Variants in TBC1D4 observed in about 807,000 individuals in gnomAD.
TBC1D4 encodes TBC1 domain family member 4.
TBC1D4 carries 121 observed loss-of-function variants against 142.5 expected under a neutral mutation model. The ratio of observed to expected loss-of-function variants is 0.85; its 90% CI spans 0.73 to 0.99. TBC1D4 has a LOEUF of 0.99. Ranked by LOEUF, TBC1D4 falls within the 50% of genes least tolerant of loss-of-function variation. The pLI is 0.00. For missense variants in TBC1D4, 1,475 were observed against 1,606.6 expected (o/e 0.92, Z 1.40); for synonymous variants, 630 against 628.2 (o/e 1.00, Z -0.04).
chr13:75,406,250 C>T (rs1411786526), intron 1 of TBC1D4, among the ~76,000 whole-genome samples: 2 of 152,196 alleles, frequency 1.3e-5, no homozygotes, highest in Non-Finnish European at 2.9e-5. Flanking sequence ...AGCCTCTTCA[C>T]TGCTACTCAG....
chr13:75,356,305 C>T (rs1882044659), intron 3 of TBC1D4, 54 bp from the exon 4 acceptor site: 6 of 1,261,196 alleles, frequency 4.8e-6, no homozygotes, highest in Non-Finnish European at 6.9e-6. Flanking sequence ...ATATTTTTTA[C>T]TCAACAATAT....
chr13:75,380,518 CG>C (rs1180378631), intron 1 of TBC1D4, among the ~76,000 whole-genome samples: 4 of 144,544 alleles, frequency 2.8e-5, no homozygotes, highest in African/African-American at 1.0e-4. Context: ...GTCTCTAGAA[CG>C]GTAATGAACT....
At chr13:75,463,761 T>G (rs1047443080) in intron 1 of TBC1D4, among the ~76,000 whole-genome samples, 1 of 152,182 alleles carries the variant, frequency 6.6e-6, no homozygotes, top group Non-Finnish European at 1.5e-5. Context: ...CTCATCTTAT[T>G]ATAGAAATAA....
chr13:75,465,067 C>T (rs182222471), intron 1 of TBC1D4, among the ~76,000 whole-genome samples: 33 of 152,272 alleles, frequency 2.2e-4, no homozygotes, highest in Admixed American at 1.5e-3. Context: ...ACTCACTCCT[C>T]GCAACAGCCT....
chr13:75,356,077 C>T, intron 4 of TBC1D4, 70 bp downstream of exon 4: 8 of 1,188,298 alleles, frequency 6.7e-6, no homozygotes, highest in Non-Finnish European at 8.7e-6. Context: ...GGCTTGGGCT[C>T]CTAAGAGACA....
At chr13:75,450,852 C>T (rs2138239230) in intron 1 of TBC1D4, among the ~76,000 whole-genome samples, 2 of 152,300 alleles carry the variant, frequency 1.3e-5, no homozygotes, top group South Asian at 4.2e-4. Flanking sequence ...TTAGCATAAA[C>T]TATCTAGGGC....
chr13:75,409,688 C>G (rs1885511464), intron 1 of TBC1D4, among the ~76,000 whole-genome samples: 1 of 152,296 alleles, frequency 6.6e-6, no homozygotes, highest in South Asian at 2.1e-4. Context: ...AAACACAAAT[C>G]TCTTTAATGA....
intron 1 of TBC1D4, among the ~76,000 whole-genome samples, chr13:75,475,819 G>T (rs932137932): frequency 6.6e-6 from 1 of 152,090 alleles, no homozygotes; most frequent in African/African-American, 2.4e-5. Flanking sequence ...TATGGGTTGC[G>T]TATCACTTAT....
In TBC1D4 at chr13:75,312,875, G is replaced by T. The variant is rs930419264; in HGVS notation, c.2246C>A (p.Thr749Asn). 5.6e-6 allele frequency: 9 copies of T among 1,614,032 alleles called. No individual in the cohort carries two copies. The highest frequency in any genetic ancestry group is 2.2e-5 in the East Asian group (1 of 44,890). Residue 749 changes from threonine (T) to asparagine (N), a missense_variant, in exon 13 of 21, where the codon ACC (threonine) becomes AAC (asparagine). Physicochemically the swap from Thr to Asn is moderately conservative, Grantham distance 65. Around this residue, in one of 2 missense-constraint regions of TBC1D4, gnomAD observed 1,227 missense variants for 1,267.7 expected, o/e 0.97. Transcript: ENST00000377636. ...ESSDGEGRKR[T>N]SSTCSNESLS... ...GGACTCATTGCTGCAGGTAGATGAG[G>T]TCCTTTTTCTCCCTTCTCCATCACT...
At chr13:75,473,889 T>C (rs185205545) in intron 1 of TBC1D4, among the ~76,000 whole-genome samples, 1 of 152,300 alleles carries the variant, frequency 6.6e-6, no homozygotes, top group East Asian at 1.9e-4. Context: ...TAAATTCAAA[T>C]TCATGGTTTA....
At chr13:75,352,539 A>G (rs1467903210) in intron 4 of TBC1D4, among the ~76,000 whole-genome samples, 1 of 152,208 alleles carries the variant, frequency 6.6e-6, no homozygotes, top group African/African-American at 2.4e-5. Flanking sequence ...TGAAGAAATA[A>G]TATTTTCTAC....
Position 75,294,844 on chromosome 13 carries a change from T to C in TBC1D4, c.3316+10A>G. ...TAATACTGTTCCATTTAATTACAGG[T>C]ATCTCTTACCAAAAACTCTGGCTAC... On this transcript the variant is annotated intron_variant, in intron 18 of 20. Transcript: ENST00000377636. 3.1e-6 allele frequency: 5 copies of C among 1,613,368 alleles called. No homozygotes were observed. The highest frequency in any genetic ancestry group is 4.2e-6 in the Non-Finnish European group (5 of 1,179,398).
intron 1 of TBC1D4, among the ~76,000 whole-genome samples, chr13:75,374,467 A>G (rs148817482): frequency 1.3e-3 from 200 of 152,248 alleles, no homozygotes; most frequent in Non-Finnish European, 2.3e-3. Flanking sequence ...TTGTGACACT[A>G]AAGTATTTTT....
At chr13:75,414,899 G>A (rs1885845864) in intron 1 of TBC1D4, among the ~76,000 whole-genome samples, 1 of 152,132 alleles carries the variant, frequency 6.6e-6, no homozygotes, top group South Asian at 2.1e-4. Flanking sequence ...TGAGGCGGGC[G>A]GATCACCTGA....
At chr13:75,302,515 A>G in intron 15 of TBC1D4, 114 bp from the exon 16 acceptor site, 2 of 1,139,602 alleles carry the variant, frequency 1.8e-6, no homozygotes, top group Non-Finnish European at 2.6e-6. Context: ...ACTGCATGCC[A>G]CCCTAAGACC....
intron 1 of TBC1D4, among the ~76,000 whole-genome samples, chr13:75,446,841 T>G (rs1178581020): frequency 7.3e-6 from 1 of 137,762 alleles, no homozygotes; most frequent in Admixed American, 7.2e-5. Context: ...TCCATATAAT[T>G]TTTTTTTTTA....
In TBC1D4 at chr13:75,286,051, G is replaced by A. The variant is rs948692138; in HGVS notation, c.*741C>T. The A allele has an allele frequency of 1.3e-5, 2 of 152,612 alleles. No individual in the cohort carries two copies. The highest frequency in any genetic ancestry group is 2.9e-5 in the Non-Finnish European group (2 of 68,036). The allele number at this position is 152,612 out of a possible 1,614,324, so 9.5% of individuals were successfully genotyped here. On this transcript the variant is annotated 3_prime_UTR_variant, in exon 21 of 21. Coordinates refer to ENST00000377636, the MANE Select transcript of TBC1D4 (RefSeq NM_014832.5). ...GCTGGTCTAGTTTGCTAAAAAATTA[G>A]CAACATTCTCCTTTACCTTGAGCTG... is the stretch of plus-strand genomic sequence containing the variant.
At chr13:75,298,431 G>A (rs1391441372) in intron 17 of TBC1D4, among the ~76,000 whole-genome samples, 3 of 152,164 alleles carry the variant, frequency 2.0e-5, no homozygotes, top group Non-Finnish European at 4.4e-5. Context: ...AAAATACCTG[G>A]AAAATCTTAA....
intron 1 of TBC1D4, among the ~76,000 whole-genome samples, chr13:75,400,561 G>A (rs909142867): frequency 1.3e-5 from 2 of 149,766 alleles, no homozygotes; most frequent in Admixed American, 6.7e-5. Context: ...GGGTTCAAGC[G>A]ATTCTCCTGC....
Sources: allele counts gnomAD v4.1 joint callset (sites outside exome capture counted in the v4.1 genomes callset), GRCh38; gene constraint gnomAD v4.1.1; regional missense constraint gnomAD v4.1.1; transcripts MANE v1.5; gene names NCBI Gene and HGNC (gene_info 2026-07-23, HGNC 2026-07-21).